The following HTR2C variants were observed in gnomAD, a reference collection of about 807,000 sequenced individuals.
HTR2C encodes the protein 5-hydroxytryptamine receptor 2C.
In HTR2C, 5 loss-of-function variants were observed where a neutral mutation model predicts 21.0. The observed-to-expected ratio is 0.24, with a 90% CI of 0.12 to 0.50. The LOEUF is 0.50. HTR2C is among the 20% of genes least tolerant of loss of function. The pLI is 0.98. For missense variants in HTR2C, 271 were observed against 371.2 expected (o/e 0.73, Z 2.22); for synonymous variants, 150 against 145.3 (o/e 1.03, Z -0.23).
rs111465621 is a variant in HTR2C, at chrX:114,869,950, G to A, written c.550+21747G>A. On this transcript the variant is annotated intron_variant, in intron 5 of 5. Coordinates refer to ENST00000276198, the MANE Select transcript of HTR2C (RefSeq NM_000868.4). ...TGTTTTTGTTCTTCATTCTGTTGAT[G>A]TGATGTATCACATTGATTGATTTGC... 1.1e-4 allele frequency among the ~76,000 whole-genome samples: 12 copies of A among 111,974 alleles called. No homozygotes were observed. The South Asian group carries it at 3.3e-3, about 31-fold the overall frequency.
rs1020648258 is a variant in HTR2C, at chrX:114,706,753, G to T, written c.-79-20105G>T. ...AATAAAAAAGAATGAAAAAAGTATG[G>T]TCTATAAAAATAGATTTGCATAAAT... On this transcript the variant is annotated intron_variant, in intron 2 of 5. Coordinates refer to ENST00000276198, the MANE Select transcript of HTR2C (RefSeq NM_000868.4). 4.6e-5 allele frequency among the ~76,000 whole-genome samples: 5 copies of T among 109,696 alleles called. No homozygotes were observed. The East Asian group carries it at 1.5e-3, about 32-fold the overall frequency.
chrX:114,610,766 G>T (rs1349241452), intron 1 of HTR2C, among the ~76,000 whole-genome samples: 2 of 110,914 alleles, frequency 1.8e-5, no homozygotes, highest in East Asian at 5.6e-4. Context: ...ATGACAGAGC[G>T]TTAATCATAA....
intron 2 of HTR2C, among the ~76,000 whole-genome samples, chrX:114,692,410 A>T (rs782229023): frequency 1.8e-5 from 2 of 111,878 alleles, no homozygotes; most frequent in South Asian, 3.7e-4. Context: ...TTTCTTTTTT[A>T]AAAAATAAAT....
chrX:114,889,893 C>T (rs1037359079), intron 5 of HTR2C, among the ~76,000 whole-genome samples: 2 of 111,493 alleles, frequency 1.8e-5, no homozygotes, highest in East Asian at 2.8e-4. Flanking sequence ...GGGAAAGGAA[C>T]GGTTCTTAGT....
intron 2 of HTR2C, among the ~76,000 whole-genome samples, chrX:114,675,301 G>T (rs1556412347): frequency 9.0e-6 from 1 of 111,659 alleles, no homozygotes; most frequent in Admixed American, 9.5e-5. Context: ...ATCCAACTTG[G>T]TTAATTGGAA....
At position 114,842,075 on chromosome X, in the gene HTR2C, A is replaced by G. The variant is rs782349994; in HGVS notation, c.350-5928A>G. On this transcript the variant is annotated intron_variant, in intron 4 of 5. Coordinates refer to ENST00000276198, the MANE Select transcript of HTR2C (RefSeq NM_000868.4). ...CTGGAAATAGTTGTCAGAATCAACT[A>G]TTATGAAACTCAAACATCAAATCAA... 2.7e-5 allele frequency among the ~76,000 whole-genome samples: 3 copies of G among 112,479 alleles called. No homozygotes were observed. In the South Asian group the frequency reaches 1.1e-3, roughly 41 times the overall value.
intron 4 of HTR2C, among the ~76,000 whole-genome samples, chrX:114,786,963 T>A (rs1055138702): frequency 7.1e-5 from 8 of 112,007 alleles, no homozygotes; most frequent in Non-Finnish European, 5.6e-5. Context: ...TGGTTGATTC[T>A]TTCTCCTGGT....
rs183128215 is a variant in HTR2C at position 114,585,358 on chromosome X, T to C, written c.-147+699T>C. On this transcript the variant is annotated intron_variant, in intron 1 of 5. Coordinates refer to ENST00000276198, the MANE Select transcript of HTR2C (RefSeq NM_000868.4). ...AAGAGGAGAGGATAAAGGCATCCAG[T>C]GAACCTTTTTTTAAATAATTAATTA... Among the ~76,000 whole-genome samples, 23 of 111,419 alleles carry C rather than the reference T, an allele frequency of 2.1e-4. No individual in the cohort carries two copies. The East Asian group carries it at 6.5e-3, about 32-fold the overall frequency.
intron 4 of HTR2C, among the ~76,000 whole-genome samples, chrX:114,789,817 C>T (rs1262198061): frequency 1.8e-5 from 2 of 111,053 alleles, no homozygotes; most frequent in African/African-American, 6.6e-5. Flanking sequence ...ACTAAGGCAC[C>T]TTAGGTATGG....
chrX:114,906,501 G>C, intron 5 of HTR2C, 88 bp from the exon 6 acceptor site: 1 of 676,370 alleles, frequency 1.5e-6, no homozygotes. Flanking sequence ...ATTTCCTTCC[G>C]TAAAATGCAA....
chrX:114,658,471 A>G (rs962353297), intron 2 of HTR2C, among the ~76,000 whole-genome samples: 1 of 111,928 alleles, frequency 8.9e-6, no homozygotes, highest in Non-Finnish European at 1.9e-5. Flanking sequence ...TAGCCAAAGT[A>G]GAATTTTAGT....
At chrX:114,678,412 G>A (rs1931638366) in intron 2 of HTR2C, among the ~76,000 whole-genome samples, 1 of 110,748 alleles carries the variant, frequency 9.0e-6, no homozygotes, top group Admixed American at 9.7e-5. Context: ...GTTCCTAATT[G>A]AAATTGGAAA....
In HTR2C at chrX:114,906,542, A is replaced by G. The variant is rs201461246; in HGVS notation, c.551-47A>G. ...TGTATGCCGTTGAATACATCTGTTC[A>G]GTCCTTCAAGATGCTATAACAACCC... On this transcript the variant is annotated intron_variant, in intron 5 of 5. Coordinates refer to ENST00000276198, the MANE Select transcript of HTR2C (RefSeq NM_000868.4). 36 of 914,805 alleles carry G rather than the reference A, an allele frequency of 3.9e-5. No individual in the cohort carries two copies. The African/African-American group carries it at 6.5e-4, about 17-fold the overall frequency. 75.4% of individuals were successfully genotyped at this position (914,805 alleles called of 1,213,427 possible).
At chrX:114,761,932 T>C (rs782658541) in intron 4 of HTR2C, among the ~76,000 whole-genome samples, 120 of 19,753 alleles carry the variant, frequency 6.1e-3, no homozygotes, top group Middle Eastern at 0.019. Flanking sequence ...TATATATACA[T>C]ATATGTGTAT....
At chrX:114,842,530 C>A (rs782101871) in intron 4 of HTR2C, among the ~76,000 whole-genome samples, 3 of 111,888 alleles carry the variant, frequency 2.7e-5, no homozygotes, top group Non-Finnish European at 5.6e-5. Context: ...AATGGAGATA[C>A]GTTGGGAAAG....
At chrX:114,789,782 A>G (rs2147411721) in intron 4 of HTR2C, among the ~76,000 whole-genome samples, 1 of 111,464 alleles carries the variant, frequency 9.0e-6, no homozygotes, top group East Asian at 2.8e-4. Context: ...GGATGATCAT[A>G]GTATGTGCCT....
At chrX:114,674,948 C>T (rs1156537561) in intron 2 of HTR2C, among the ~76,000 whole-genome samples, 2 of 112,014 alleles carry the variant, frequency 1.8e-5, no homozygotes, top group African/African-American at 3.2e-5. Context: ...GTTCACAATT[C>T]CAAAATCATA....
chrX:114,664,457 A>G (rs1275240004), intron 2 of HTR2C, among the ~76,000 whole-genome samples: 1 of 111,764 alleles, frequency 8.9e-6, no homozygotes, highest in African/African-American at 3.3e-5. Flanking sequence ...CTTATAAGTG[A>G]GAACATGCAG....
At chrX:114,716,392 A>G (rs886313259) in intron 2 of HTR2C, among the ~76,000 whole-genome samples, 35 of 112,296 alleles carry the variant, frequency 3.1e-4, no homozygotes, top group Non-Finnish European at 4.7e-4. Flanking sequence ...TTTAACAATA[A>G]TCACGCTCAT....
Sources: gnomAD v4.1 joint callset for allele counts (sites outside exome capture counted in the v4.1 genomes callset) on GRCh38, gnomAD v4.1.1 for gene constraint, MANE v1.5 for transcripts, NCBI Gene and HGNC (gene_info 2026-07-23, HGNC 2026-07-21) for gene names.